CACNA1E: variants seen among roughly 807,000 people sequenced by gnomAD.
The protein encoded by CACNA1E is calcium voltage-gated channel subunit alpha1 E.
CACNA1E carries 40 observed loss-of-function variants against 259.2 expected under a neutral mutation model. The ratio of observed to expected loss-of-function variants is 0.15; its 90% confidence interval spans 0.12 to 0.20. CACNA1E has a LOEUF of 0.20. CACNA1E is among the 10% of genes least tolerant of loss of function. The pLI is 1.00. For missense variants in CACNA1E, 1,874 were observed against 3,040.1 expected, an observed-to-expected ratio of 0.62 and a Z score of 9.02; for synonymous variants, 1,104 against 1,138.5, an observed-to-expected ratio of 0.97 and a Z score of 0.61.
At chr1:181,556,915 C>T (rs1648785704) in intron 3 of CACNA1E, among the ~76,000 whole-genome samples, 1 of 152,212 alleles carries the variant, frequency 6.6e-6, no homozygotes, top group African/African-American at 2.4e-5. Flanking sequence ...AGAGTTCACA[C>T]AGAATTTTTA....
intron 6 of CACNA1E, among the ~76,000 whole-genome samples, chr1:181,635,520 G>C (rs1398070201): frequency 1.3e-5 from 2 of 151,898 alleles, no homozygotes; most frequent in African/African-American, 2.4e-5. Flanking sequence ...CATCAATGTA[G>C]CAGCTAAAGC....
rs1465936531 is a variant in CACNA1E at position 181,485,692 on chromosome 1, C to T, written c.266+1682C>T. On this transcript the variant is annotated intron_variant, in intron 1 of 47. Transcript: ENST00000367573. The surrounding 1 kb of genome is among the most constrained non-coding windows in gnomAD (Gnocchi z 4.2). ...ACAGATCTCATTGTGTTGTGTGCTG[C>T]GGCTGCAAATATTCCTCTAGGCAGT... Among the ~76,000 whole-genome samples the T allele has an allele frequency of 6.6e-6, 1 of 152,196 alleles. No homozygotes were observed. The highest frequency in any genetic ancestry group is 1.5e-5 in the Non-Finnish European group (1 of 68,042).
chr1:181,666,931 A>G (rs1324662927), intron 7 of CACNA1E, among the ~76,000 whole-genome samples: 1 of 152,140 alleles, frequency 6.6e-6, no homozygotes, highest in African/African-American at 2.4e-5. Context: ...TAGTACATGC[A>G]TTTTAAAAAT....
At chr1:181,326,234 G>A (rs1343229274) in intron 1 of CACNA1E, among the ~76,000 whole-genome samples, 2 of 152,176 alleles carry the variant, frequency 1.3e-5, no homozygotes, top group Non-Finnish European at 2.9e-5. Context: ...TGCAGAACCC[G>A]AGATCATAGT....
chr1:181,689,482 T>C (rs1195841278), intron 7 of CACNA1E, among the ~76,000 whole-genome samples: 1 of 152,208 alleles, frequency 6.6e-6, no homozygotes, highest in Non-Finnish European at 1.5e-5. Context: ...TATAATCCTT[T>C]GGGTATATAC....
chr1:181,597,139 G>A (rs924975991), intron 6 of CACNA1E, among the ~76,000 whole-genome samples: 2 of 152,132 alleles, frequency 1.3e-5, no homozygotes, highest in East Asian at 1.9e-4. Flanking sequence ...TAATTTGGAA[G>A]AGCTTGCATG....
At chr1:181,743,652 T>C (rs74127844) in intron 25 of CACNA1E, among the ~76,000 whole-genome samples, 3,602 of 152,230 alleles carry the variant, frequency 0.024, 171 homozygotes, top group African/African-American at 0.077. Context: ...TCTGGAGAAA[T>C]GTAGGAGAGG....
intron 1 of CACNA1E, among the ~76,000 whole-genome samples, chr1:181,332,543 A>C (rs560577501): frequency 1.3e-5 from 2 of 152,350 alleles, no homozygotes; most frequent in Admixed American, 1.3e-4. Flanking sequence ...GCCTATAAAC[A>C]TAGAGGATTC....
At chr1:181,587,942 G>C (rs1347850699) in intron 6 of CACNA1E, among the ~76,000 whole-genome samples, 1 of 152,198 alleles carries the variant, frequency 6.6e-6, no homozygotes, top group Non-Finnish European at 1.5e-5. Context: ...GACAAATTCA[G>C]TCTGTGGAGT....
chr1:181,503,139 G>A (rs1665407345), intron 1 of CACNA1E, among the ~76,000 whole-genome samples: 1 of 152,190 alleles, frequency 6.6e-6, no homozygotes, highest in South Asian at 2.1e-4. Context: ...TTGAAGTGAT[G>A]GTCATAACTA....
intron 1 of CACNA1E, among the ~76,000 whole-genome samples, chr1:181,348,179 G>A (rs1303697530): frequency 2.0e-5 from 3 of 152,060 alleles, no homozygotes; most frequent in East Asian, 1.9e-4. Context: ...TGGGAGCTTC[G>A]ATGGGGTCTC....
chr1:181,441,663 G>C (rs1426924140), intron 2 of CACNA1E, among the ~76,000 whole-genome samples: 1 of 152,192 alleles, frequency 6.6e-6, no homozygotes, highest in Admixed American at 6.5e-5. Context: ...GGATATGGGA[G>C]ACTCACTGAC....
intron 1 of CACNA1E, among the ~76,000 whole-genome samples, chr1:181,391,244 A>G (rs1205630096): frequency 6.6e-6 from 1 of 152,254 alleles, no homozygotes; most frequent in East Asian, 1.9e-4. Context: ...TTTTTGCAGC[A>G]GCCAGAGTAA....
At chr1:181,652,304 T>C (rs1572495589) in intron 7 of CACNA1E, among the ~76,000 whole-genome samples, 1 of 152,204 alleles carries the variant, frequency 6.6e-6, no homozygotes, top group Admixed American at 6.5e-5. Flanking sequence ...TAAGCAAAAC[T>C]GAACTTAATT....
chr1:181,705,174 A>G (rs1394517573), intron 7 of CACNA1E, among the ~76,000 whole-genome samples: 1 of 152,214 alleles, frequency 6.6e-6, no homozygotes, highest in Non-Finnish European at 1.5e-5. Flanking sequence ...TACATTCATA[A>G]AATGCTAATT....
At chr1:181,657,832 A>T (rs1329669498) in intron 7 of CACNA1E, among the ~76,000 whole-genome samples, 1 of 152,258 alleles carries the variant, frequency 6.6e-6, no homozygotes, top group Non-Finnish European at 1.5e-5. Context: ...GTCTTAAGAC[A>T]TAAGAGATTT....
rs150977951 is a variant in CACNA1E, at chr1:181,450,456, G to T, written c.435-33288G>T. Among the ~76,000 whole-genome samples, 1,279 of 152,016 alleles carry T rather than the reference G, an allele frequency of 8.4e-3. 16 individuals carry two copies. Among genetic ancestry groups the T allele is most frequent in the African/African-American group, 0.03 (1,231 of 41,408 alleles). ...TGTGTGTGTGTGTGTATGTGTGTGT[G>T]TGTGTTTGTGTGTAGAAGGGGTTCA... On this transcript the variant is annotated intron_variant, in intron 2 of 11. Coordinates refer to the CACNA1E transcript ENST00000524607.
At chr1:181,628,170 C>T (rs1024617555) in intron 6 of CACNA1E, among the ~76,000 whole-genome samples, 7 of 152,146 alleles carry the variant, frequency 4.6e-5, no homozygotes, top group Non-Finnish European at 7.3e-5. Context: ...TGCAAATGCA[C>T]GTGTTCAGCT....
intron 6 of CACNA1E, among the ~76,000 whole-genome samples, chr1:181,582,252 C>T (rs1291920854): frequency 6.6e-6 from 1 of 152,188 alleles, no homozygotes; most frequent in East Asian, 1.9e-4. Context: ...TGAAGTGTGA[C>T]CCAGAAAGCC....
Sources: gnomAD v4.1 joint callset for allele counts (sites outside exome capture counted in the v4.1 genomes callset) on GRCh38, gnomAD v4.1.1 for gene constraint, Gnocchi (gnomAD v3.1) non-coding constraint, MANE v1.5 for transcripts, NCBI Gene and HGNC (gene_info 2026-07-23, HGNC 2026-07-21) for gene names.